PCDHGB4: variants seen among roughly 807,000 people sequenced by gnomAD.
PCDHGB4 encodes the protein protocadherin gamma subfamily B, 4, also known as protocadherin gamma-B4.
PCDHGB4 carries 38 observed loss-of-function variants against 60.5 expected under a neutral mutation model. The observed-to-expected ratio is 0.63, with a 90% CI of 0.48 to 0.82. PCDHGB4 has a LOEUF of 0.82. Among genes scored for constraint, PCDHGB4 ranks in the 40% least tolerant of loss-of-function variants. The probability of loss-of-function intolerance (pLI) is 0.00; values close to 1 mark genes in which losing one functional copy is unlikely to be tolerated. For synonymous variants in PCDHGB4, 456 were observed against 509.7 expected (o/e 0.89, Z 1.42); for missense variants, 1,109 against 1,209.6 (o/e 0.92, Z 1.23).
At chr5:141,413,924 A>T in intron 1 of PCDHGB4, 1 of 1,613,408 alleles carries the variant, frequency 6.2e-7, no homozygotes, top group Non-Finnish European at 8.5e-7. Context: ...ACCTTGCCAG[A>T]ATACCGAGTG....
chr5:141,399,510 C>G, intron 1 of PCDHGB4: 1 of 1,614,040 alleles, frequency 6.2e-7, no homozygotes, highest in East Asian at 2.2e-5. Flanking sequence ...CCGAAAACAA[C>G]CCTCCTGGGG....
chr5:141,394,749 G>A (rs1270810324), intron 1 of PCDHGB4: 2 of 1,613,424 alleles, frequency 1.2e-6, no homozygotes, highest in Non-Finnish European at 8.5e-7. Flanking sequence ...CGTGGTGGCC[G>A]TCCAGGACCA....
At chr5:141,452,377 A>G (rs2098740152) in intron 1 of PCDHGB4, among the ~76,000 whole-genome samples, 1 of 152,222 alleles carries the variant, frequency 6.6e-6, no homozygotes, top group African/African-American at 2.4e-5. Flanking sequence ...TTAGTAGGGA[A>G]TAGTATTTAG....
At position 141,403,226 on chromosome 5, in the gene PCDHGB4, CG is replaced by C. The variant is rs539681713; in HGVS notation, c.2397+12948del. On this transcript the variant is annotated intron_variant, in intron 1 of 3. Transcript: ENST00000519479. Reference sequence around the variant, plus strand: ...CTTGGTCACCGCGGGTAGGATAGACCGGGAGGAGCTCTGTGCTCAGAGCCCG... The same window carrying C: ...CTTGGTCACCGCGGGTAGGATAGACCGGAGGAGCTCTGTGCTCAGAGCCCG... 1.5e-3 allele frequency: 2,492 copies of C among 1,613,926 alleles called. 3 individuals are homozygous for C. The highest frequency in any genetic ancestry group is 1.8e-3 in the Non-Finnish European group (2,143 of 1,179,902).
At chr5:141,393,304 T>G (rs1317637425) in intron 1 of PCDHGB4, 3 of 1,613,680 alleles carry the variant, frequency 1.9e-6, no homozygotes, top group Admixed American at 1.7e-5. Context: ...GATGTGGGCG[T>G]GAACTCCCTC....
Position 141,490,683 on chromosome 5 carries a change from A to C in PCDHGB4, c.2398-4124A>C, listed in dbSNP as rs766019662. 6 of 1,614,088 alleles carry C rather than the reference A, an allele frequency of 3.7e-6. No homozygotes were observed. The highest frequency in any genetic ancestry group is 5.1e-6 in the Non-Finnish European group (6 of 1,180,034). On this transcript the variant is annotated intron_variant, in intron 1 of 3. Transcript: ENST00000519479. The surrounding 1 kb of genome is among the most constrained non-coding windows in gnomAD (Gnocchi z 5.4). ...TTTGCACTGTGGCTGCCTCAGATCCAGACACTGGGGATAATGCCCGCCTCA... is the reference window on the plus strand; with the variant it reads ...TTTGCACTGTGGCTGCCTCAGATCCCGACACTGGGGATAATGCCCGCCTCA...
intron 2 of PCDHGB4, among the ~76,000 whole-genome samples, chr5:141,500,421 G>A (rs1247202322): frequency 6.6e-6 from 1 of 151,852 alleles, no homozygotes; most frequent in Non-Finnish European, 1.5e-5. Flanking sequence ...GTGTTAGCCA[G>A]GATGGTCTCG....
chr5:141,493,440 G>A lies in PCDHGB4; in HGVS notation c.2398-1367G>A, dbSNP rs2099748297. The stretch of plus-strand genomic sequence containing the variant: ...TTTTGCTTCTGCTGGGATGGGGCAA[G>A]GGTGGGGTTCCTTCCCTTTTAGGAC... On this transcript the variant is annotated intron_variant, in intron 1 of 3. Coordinates refer to ENST00000519479, the MANE Select transcript of PCDHGB4 (RefSeq NM_003736.4). The surrounding 1 kb of genome is among the most constrained non-coding windows in gnomAD (Gnocchi z 4.3). Among the ~76,000 whole-genome samples, 1 of 152,208 alleles carries A rather than the reference G, an allele frequency of 6.6e-6. No homozygotes were observed. Among genetic ancestry groups the A allele is most frequent in the African/African-American group, 2.4e-5 (1 of 41,450 alleles).
At chr5:141,399,598 G>A in intron 1 of PCDHGB4, 1 of 1,613,964 alleles carries the variant, frequency 6.2e-7, no homozygotes, top group Non-Finnish European at 8.5e-7. Context: ...CATGGCCAGC[G>A]ACCTAGAGCC....
In PCDHGB4 at chr5:141,511,188, C is replaced by A; in HGVS notation, c.*15C>A. 1 of 1,613,804 alleles carries A rather than the reference C, an allele frequency of 6.2e-7. No homozygotes were observed. ...AGAAGAAGTAACATGGAGGCCAGGC[C>A]AAGAGCCACAGGGCGGCCTCTCCCC... On this transcript the variant is annotated 3_prime_UTR_variant, in exon 4 of 4. Transcript: ENST00000519479.
chr5:141,389,894 G>A lies in PCDHGB4; in HGVS notation c.2010G>A (p.Leu670=), dbSNP rs754241365. The A allele has an allele frequency of 3.5e-5, 56 of 1,613,970 alleles. No homozygotes were observed. The highest frequency in any genetic ancestry group is 4.7e-5 in the Non-Finnish European group (55 of 1,179,922). ...TCGCCGACAGCTTGCAGGAGGTGCT[G>A]CCGGATATCACTGACCGCCCCGACC... ...LVFADSLQEV[L]PDITDRPDPS... is the part of the protein sequence containing the mutation. The change falls in exon 1 of 4, where the codon CTG becomes CTA. Residue 670 remains leucine, a synonymous_variant. Coordinates refer to ENST00000519479, the MANE Select transcript of PCDHGB4 (RefSeq NM_003736.4).
intron 2 of PCDHGB4, among the ~76,000 whole-genome samples, chr5:141,496,769 C>T (rs1434587849): frequency 2.0e-5 from 3 of 152,064 alleles, no homozygotes; most frequent in African/African-American, 7.3e-5. Flanking sequence ...CGAGCATCTA[C>T]TATGAGCAGG....
In PCDHGB4 at chr5:141,387,709, A is replaced by C. The variant is rs1404514491; in HGVS notation, c.-176A>C. ...GCAGCGCGCTTTCCAGGGCAGCCCC[A>C]GCTCAGACTCCCCAGCGCCAGCCTT... On this transcript the variant is annotated 5_prime_UTR_variant, in exon 1 of 4. Coordinates refer to ENST00000519479, the MANE Select transcript of PCDHGB4 (RefSeq NM_003736.4). The C allele has an allele frequency of 3.7e-5, 37 of 1,008,514 alleles. No homozygotes were observed. Among genetic ancestry groups the C allele is most frequent in the Admixed American group, 1.5e-4 (5 of 34,114 alleles). 62.5% of individuals were successfully genotyped at this position (1,008,514 alleles called of 1,614,324 possible).
At chr5:141,499,557 C>G (rs972965979) in intron 2 of PCDHGB4, among the ~76,000 whole-genome samples, 1 of 152,192 alleles carries the variant, frequency 6.6e-6, no homozygotes, top group African/African-American at 2.4e-5. Context: ...TATGATACCA[C>G]TATCCAGCTT....
chr5:141,485,500 C>T lies in PCDHGB4; in HGVS notation c.2398-9307C>T. 1 of 1,614,142 alleles carries T rather than the reference C, an allele frequency of 6.2e-7. No homozygotes were observed. The highest frequency in any genetic ancestry group is 8.5e-7 in the Non-Finnish European group (1 of 1,180,038). ...GCTGCATCGTGCCCCTGGAGTTTGT[C>T]ACCGAAGGTCCTTTGGAAATGTACC... On this transcript the variant is annotated intron_variant, in intron 1 of 3. Coordinates refer to ENST00000519479, the MANE Select transcript of PCDHGB4 (RefSeq NM_003736.4). The surrounding 1 kb of genome is among the most constrained non-coding windows in gnomAD (Gnocchi z 5.7).
At position 141,493,444 on chromosome 5, in the gene PCDHGB4, G is replaced by T. The variant is rs2099748313; in HGVS notation, c.2398-1363G>T. On this transcript the variant is annotated intron_variant, in intron 1 of 3. Transcript: ENST00000519479. This position sits in a 1 kb window ranked among gnomAD's most constrained non-coding sequence, Gnocchi z 4.3. ...GCTTCTGCTGGGATGGGGCAAGGGT[G>T]GGGTTCCTTCCCTTTTAGGACCTTA... Among the ~76,000 whole-genome samples, 1 of 152,174 alleles carries T rather than the reference G, an allele frequency of 6.6e-6. No homozygotes were observed. Among genetic ancestry groups the T allele is most frequent in the South Asian group, 2.1e-4 (1 of 4,826 alleles).
rs1403163275 is a variant in PCDHGB4 at position 141,441,708 on chromosome 5, A to T, written c.2397+51427A>T. ...AGAGCAGCCGCGAGCCTTCAAGCTC[A>T]CGCTGCAGGCCCGCGACCAGGACTA... On this transcript the variant is annotated intron_variant, in intron 1 of 3. Coordinates refer to ENST00000519479, the MANE Select transcript of PCDHGB4 (RefSeq NM_003736.4). 2.8e-5 allele frequency: 9 copies of T among 319,492 alleles called. No homozygotes were observed. In the East Asian group the frequency reaches 1.0e-3, roughly 37 times the overall value. 19.8% of individuals were successfully genotyped at this position (319,492 alleles called of 1,614,324 possible).
Position 141,399,846 on chromosome 5 carries a change from G to T in PCDHGB4, c.2397+9565G>T, listed in dbSNP as rs377634920. 19 of 1,612,980 alleles carry T rather than the reference G, an allele frequency of 1.2e-5. No homozygotes were observed. The highest frequency in any genetic ancestry group is 5.3e-5 in the African/African-American group (4 of 75,050). On this transcript the variant is annotated intron_variant, in intron 1 of 3. Transcript: ENST00000519479. ...CCGACGGCTCTGCGCTCTTCGATAT[G>T]GTGCCGCGCGCTGCAGAGCCCGGCT...
intron 1 of PCDHGB4, among the ~76,000 whole-genome samples, chr5:141,452,760 G>A (rs920853226): frequency 3.3e-5 from 5 of 152,120 alleles, no homozygotes; most frequent in Non-Finnish European, 7.4e-5. Context: ...AAGGAAGGGA[G>A]GGAGGGAAAA....
Sources: gnomAD v4.1 joint callset for allele counts (sites outside exome capture counted in the v4.1 genomes callset) on GRCh38, gnomAD v4.1.1 for gene constraint, Gnocchi (gnomAD v3.1) non-coding constraint, MANE v1.5 for transcripts, NCBI Gene and HGNC (gene_info 2026-07-23, HGNC 2026-07-21) for gene names.